Variants in FAM120A observed in about 807,000 individuals in gnomAD.
The protein encoded by FAM120A is family with sequence similarity 120 member A, also known as constitutive coactivator of PPAR-gamma-like protein 1.
A neutral mutation model predicts 109.7 loss-of-function variants in FAM120A; 15 were observed. The observed-to-expected ratio is 0.14, with a 90% CI of 0.09 to 0.21. FAM120A has a LOEUF of 0.21. Ranked by LOEUF, FAM120A falls within the 10% of genes least tolerant of loss-of-function variation. The probability of loss-of-function intolerance (pLI) is 1.00; values close to 1 mark genes in which losing one functional copy is unlikely to be tolerated. For missense variants in FAM120A, 899 were observed against 1,439.3 expected (o/e 0.62, Z 6.07); for synonymous variants, 493 against 572.8 (o/e 0.86, Z 1.99).
At chr9:93,507,792 A>G (rs1029589549) in intron 5 of FAM120A, among the ~76,000 whole-genome samples, 1 of 152,292 alleles carries the variant, frequency 6.6e-6, no homozygotes, top group South Asian at 2.1e-4. Flanking sequence ...TTGTGTATGT[A>G]CAATTGGTTG....
At chr9:93,559,684 C>CT (rs34468317) in intron 15 of FAM120A, among the ~76,000 whole-genome samples, 5,147 of 152,314 alleles carry the variant, frequency 0.034, 117 homozygotes, top group Admixed American at 0.07. Flanking sequence ...TGTTTCCTCT[C>CT]TGCTTCTTGA....
rs1163033450 is a variant in FAM120A, at chr9:93,498,899, A to G, written c.1030+13A>G. The G allele has an allele frequency of 7.0e-7, 1 of 1,427,170 alleles. No homozygotes were observed. Among genetic ancestry groups the G allele is most frequent in the Non-Finnish European group, 9.9e-7 (1 of 1,009,618 alleles). The allele number at this position is 1,427,170 out of a possible 1,614,324, so 88.4% of individuals were successfully genotyped here. ...CCACATTACTTAGGTAAGTAAATAA[A>G]AGCCTGTGATCAATATTGACCATAT... On this transcript the variant is annotated intron_variant, in intron 5 of 17. Transcript: ENST00000277165. This position sits in a 1 kb window ranked among gnomAD's most constrained non-coding sequence, Gnocchi z 4.4.
intron 5 of FAM120A, among the ~76,000 whole-genome samples, chr9:93,506,061 G>A (rs568461014): frequency 6.6e-6 from 1 of 152,290 alleles, no homozygotes; most frequent in Admixed American, 6.5e-5. Flanking sequence ...TCATGCCACA[G>A]GATTATGCCG....
At chr9:93,503,527 G>A (rs1251008427) in intron 5 of FAM120A, among the ~76,000 whole-genome samples, 1 of 152,160 alleles carries the variant, frequency 6.6e-6, no homozygotes, top group African/African-American at 2.4e-5. Flanking sequence ...TCTGGAAAAG[G>A]CCAAAAGTAT....
chr9:93,530,647 T>G (rs913120139), intron 9 of FAM120A: 3 of 152,234 alleles, frequency 2.0e-5, no homozygotes, highest in Non-Finnish European at 2.9e-5. Flanking sequence ...TTATTTGATA[T>G]GGGTATGCAT....
At chr9:93,481,275 A>G (rs1322402304) in intron 3 of FAM120A, among the ~76,000 whole-genome samples, 1 of 152,244 alleles carries the variant, frequency 6.6e-6, no homozygotes. Flanking sequence ...TTTGTGTCCT[A>G]ACTGGTTACG....
Position 93,451,870 on chromosome 9 carries a change from CCCG to C in FAM120A, c.-40_-38del. Reference sequence around the variant, plus strand: ...GCGCCACGGCCCCACCACCCCCGGCCCCGCCGCCCCCCGCCCGCACCCGCGCCC... The same window carrying C: ...GCGCCACGGCCCCACCACCCCCGGCCCCGCCCCCCGCCCGCACCCGCGCCC... On this transcript the variant is annotated 5_prime_UTR_variant, in exon 1 of 18. Coordinates refer to ENST00000277165, the MANE Select transcript of FAM120A (RefSeq NM_014612.5). 7.2e-6 allele frequency: 8 copies of C among 1,114,074 alleles called. No homozygotes were observed. Among genetic ancestry groups the C allele is most frequent in the Non-Finnish European group, 7.7e-6 (7 of 911,870 alleles). 69.0% of individuals were successfully genotyped at this position (1,114,074 alleles called of 1,614,324 possible). A position where few individuals can be genotyped will look rare whatever the true frequency, so the allele number is the denominator to read the frequency against.
intron 10 of FAM120A, among the ~76,000 whole-genome samples, chr9:93,542,784 AG>A (rs1861752614): frequency 6.6e-6 from 1 of 152,238 alleles, no homozygotes; most frequent in Admixed American, 6.5e-5. Flanking sequence ...CTAATTTATG[AG>A]GGTATTTATC....
At chr9:93,467,807 A>C (rs1858116011) in intron 1 of FAM120A, among the ~76,000 whole-genome samples, 1 of 152,124 alleles carries the variant, frequency 6.6e-6, no homozygotes, top group Admixed American at 6.5e-5. Context: ...GTGAATAGGT[A>C]ATTCTGTTAT....
chr9:93,530,026 T>C lies in FAM120A; in HGVS notation c.1734+446T>C, dbSNP rs1861267458. On this transcript the variant is annotated intron_variant, in intron 9 of 17. Coordinates refer to ENST00000277165, the MANE Select transcript of FAM120A (RefSeq NM_014612.5). ...ATGGCTCATAGTGCTTCATGTGTTT[T>C]GACTTGTTCATGACCTCATTGAGTG... The C allele has an allele frequency of 1.4e-5, 4 of 284,766 alleles. No homozygotes were observed. The South Asian group carries it at 1.9e-4, about 14-fold the overall frequency. 17.6% of individuals were successfully genotyped at this position (284,766 alleles called of 1,614,324 possible).
At chr9:93,454,552 G>C (rs1418646353) in intron 1 of FAM120A, among the ~76,000 whole-genome samples, 1 of 152,202 alleles carries the variant, frequency 6.6e-6, no homozygotes, top group African/African-American at 2.4e-5. Flanking sequence ...AGCTTGAGAA[G>C]AGGATGAAGA....
At position 93,452,354 on chromosome 9, in the gene FAM120A, T is replaced by A. The variant is rs754874835; in HGVS notation, c.439T>A (p.Cys147Ser). 1.2e-6 allele frequency: 2 copies of A among 1,611,906 alleles called. No individual in the cohort carries two copies. Among genetic ancestry groups the A allele is most frequent in the African/African-American group, 1.3e-5 (1 of 75,018 alleles). ...WFLPPVCMAHCIRLALIRFHV... is the reference protein window; with the variant it reads ...WFLPPVCMAHSIRLALIRFHV... ...CCTGCCGCCCGTCTGCATGGCCCAC[T>A]GCATCCGCCTGGCGCTCATCCGCTT... Residue 147 changes from cysteine (C) to serine (S), a missense_variant, in exon 1 of 18, where the codon TGC (cysteine) becomes AGC (serine). Coordinates refer to ENST00000277165, the MANE Select transcript of FAM120A (RefSeq NM_014612.5). This position sits in a 1 kb window ranked among gnomAD's most constrained non-coding sequence, Gnocchi z 7.0.
In FAM120A at chr9:93,476,194, T is replaced by C. The variant is rs926428712; in HGVS notation, c.722-62T>C. ...CTATAGGTGACAATATGCAGCACTTTTGAAAGTTTCCCTATGTTACTTAAG... is the reference window on the plus strand; with the variant it reads ...CTATAGGTGACAATATGCAGCACTTCTGAAAGTTTCCCTATGTTACTTAAG... On this transcript the variant is annotated intron_variant, in intron 2 of 17. Transcript: ENST00000277165. 4.3e-6 allele frequency: 5 copies of C among 1,159,580 alleles called. No homozygotes were observed. The African/African-American group carries it at 7.7e-5, about 18-fold the overall frequency. 71.8% of individuals were successfully genotyped at this position (1,159,580 alleles called of 1,614,324 possible). A position where few individuals can be genotyped will look rare whatever the true frequency, so the allele number is the denominator to read the frequency against.
intron 1 of FAM120A, among the ~76,000 whole-genome samples, chr9:93,461,374 A>G (rs1241911132): frequency 1.3e-5 from 2 of 152,202 alleles, no homozygotes; most frequent in African/African-American, 4.8e-5. Context: ...ACTAGACTCC[A>G]TGGATGAGGT....
Position 93,470,287 on chromosome 9 carries a change from T to C in FAM120A, c.475-854T>C, listed in dbSNP as rs1858251247. On this transcript the variant is annotated intron_variant, in intron 1 of 17. Coordinates refer to ENST00000277165, the MANE Select transcript of FAM120A (RefSeq NM_014612.5). ...GTATGTGAAACAGCAGGAGAGAATT[T>C]GGTGGTCTTGGACTGTAAATCATTT... Among the ~76,000 whole-genome samples the C allele has an allele frequency of 2.0e-5, 3 of 152,320 alleles. No individual in the cohort carries two copies. In the South Asian group the frequency reaches 6.2e-4, roughly 32 times the overall value.
chr9:93,527,218 A>C lies in FAM120A; in HGVS notation c.1482A>C (p.Arg494=), dbSNP rs921824495. 11 of 1,614,026 alleles carry C rather than the reference A, an allele frequency of 6.8e-6. No homozygotes were observed. The highest frequency in any genetic ancestry group is 5.0e-5 in the Admixed American group (3 of 59,994). ...KTGSHSEPQA[R]GDPGDQTKAE... Reference sequence around the variant, plus strand: ...GAAGCCACTCAGAGCCTCAGGCACGAGGAGACCCAGGAGACCAAACAAAGG... The same window carrying C: ...GAAGCCACTCAGAGCCTCAGGCACGCGGAGACCCAGGAGACCAAACAAAGG... The change falls in exon 8 of 18, where the codon CGA becomes CGC. Residue 494 remains arginine, a synonymous_variant. Coordinates refer to ENST00000277165, the MANE Select transcript of FAM120A (RefSeq NM_014612.5).
chr9:93,557,482 A>T (rs1410128684), intron 13 of FAM120A, among the ~76,000 whole-genome samples: 1 of 152,182 alleles, frequency 6.6e-6, no homozygotes, highest in African/African-American at 2.4e-5. Flanking sequence ...AAAATGTGAA[A>T]CACGTGGCAC....
chr9:93,492,212 GTAGA>G (rs1264014267), intron 3 of FAM120A, among the ~76,000 whole-genome samples: 4 of 151,848 alleles, frequency 2.6e-5, no homozygotes, highest in Non-Finnish European at 4.4e-5. Context: ...ATAGAGTTAT[GTAGA>G]TAGATAGCAT....
chr9:93,528,964 C>G (rs968798382), intron 8 of FAM120A, among the ~76,000 whole-genome samples: 1 of 151,984 alleles, frequency 6.6e-6, no homozygotes, highest in South Asian at 2.1e-4. Flanking sequence ...GGCAAAGTCT[C>G]GAGAAAACAG....
Sources: allele counts gnomAD v4.1 joint callset (sites outside exome capture counted in the v4.1 genomes callset), GRCh38; gene constraint gnomAD v4.1.1; non-coding constraint Gnocchi (gnomAD v3.1); transcripts MANE v1.5; gene names NCBI Gene and HGNC (gene_info 2026-07-23, HGNC 2026-07-21).